SPDYE5: variants seen among roughly 807,000 people sequenced by gnomAD.
SPDYE5 encodes speedy/RINGO cell cycle regulator family member E5.
Under a neutral mutation model 48.5 loss-of-function variants are expected in SPDYE5, and 15 were observed. The observed-to-expected ratio is 0.31, with a 90% confidence interval of 0.21 to 0.48. The LOEUF is 0.48. Ranked by LOEUF, SPDYE5 falls within the 20% of genes least tolerant of loss-of-function variation. The pLI is 0.99. For missense variants in SPDYE5, 331 were observed against 549.1 expected (o/e 0.60, Z 3.97); for synonymous variants, 116 against 200.7 (o/e 0.58, Z 3.57).
At chr7:75,496,081 T>A (rs1242713600) in intron 3 of SPDYE5, among the ~76,000 whole-genome samples, 1 of 136,360 alleles carries the variant, frequency 7.3e-6, no homozygotes, top group Non-Finnish European at 1.6e-5. Context: ...GTGAGGAGGG[T>A]GTGTGGGAAG....
At position 75,503,055 on chromosome 7, in the gene SPDYE5, C is replaced by T. The variant is rs1297402567; in HGVS notation, c.*268C>T. On this transcript the variant is annotated 3_prime_UTR_variant, in exon 9 of 9. Transcript: ENST00000625065. ...GGAGTCCTTGGAGAAAAGTAAGAAA[C>T]CAGGAGTGTTTCCAGTTCCACCCTT... The T allele has an allele frequency of 2.0e-6, 1 of 494,992 alleles. No homozygotes were observed. Among genetic ancestry groups the T allele is most frequent in the Non-Finnish European group, 4.0e-6 (1 of 250,038 alleles). 30.7% of individuals were successfully genotyped at this position (494,992 alleles called of 1,614,324 possible).
chr7:75,494,083 A>T lies in SPDYE5; in HGVS notation c.36A>T (p.Gly12=). 1 of 1,534,512 alleles carries T rather than the reference A, an allele frequency of 6.5e-7. No individual in the cohort carries two copies. Among genetic ancestry groups the T allele is most frequent in the South Asian group, 1.2e-5 (1 of 83,922 alleles). The change falls in exon 2 of 9, where the codon GGA becomes GGT. Residue 12 remains glycine (G), a synonymous_variant. Transcript: ENST00000625065. ...DRTETRFRKR[G]QITEKITTSR... Reference sequence around the variant, plus strand: ...CGGAGACTAGGTTCCGTAAGAGGGGACAGATTACGGAAAAGATCACGACCA... The same window carrying T: ...CGGAGACTAGGTTCCGTAAGAGGGGTCAGATTACGGAAAAGATCACGACCA...
intron 8 of SPDYE5, among the ~76,000 whole-genome samples, chr7:75,502,474 A>G (rs1330629614): frequency 3.9e-5 from 6 of 152,192 alleles, no homozygotes; most frequent in African/African-American, 1.4e-4. Context: ...TTAGAAACAC[A>G]TCTAGCATGG....
chr7:75,502,108 C>T (rs1554483688), intron 8 of SPDYE5, 126 bp downstream of exon 8: 3 of 1,102,834 alleles, frequency 2.7e-6, no homozygotes, highest in Non-Finnish European at 2.5e-6. Flanking sequence ...CACAAAAATA[C>T]AAAAATTAGC....
At chr7:75,500,243 T>C (rs1451034540) in intron 6 of SPDYE5, among the ~76,000 whole-genome samples, 1 of 144,824 alleles carries the variant, frequency 6.9e-6, no homozygotes, top group East Asian at 2.0e-4. Flanking sequence ...ATCTTGGTAT[T>C]TCCTGGCTCG....
rs1792836071 is a variant in SPDYE5 at position 75,494,115 on chromosome 7, A to T, written c.68A>T (p.Gln23Leu). Reference sequence around the variant, plus strand: ...ACGGAAAAGATCACGACCAGCCGTCAACCGCAACCCCAGAATGAGCAGAGT... The same window carrying T: ...ACGGAAAAGATCACGACCAGCCGTCTACCGCAACCCCAGAATGAGCAGAGT... ...QITEKITTSR[Q>L]PQPQNEQSPQ... Residue 23 changes from glutamine to leucine, a missense_variant, in exon 2 of 9, where the codon CAA becomes CTA. By Grantham distance (113) the Gln-to-Leu change is moderately radical. Around this residue, in one of 8 missense-constraint regions of SPDYE5, gnomAD observed 67 missense variants for 55.7 expected, o/e 1.20. Coordinates refer to ENST00000625065, the MANE Select transcript of SPDYE5 (RefSeq NM_001306141.4). The T allele has an allele frequency of 6.5e-7, 1 of 1,535,422 alleles. No homozygotes were observed. Among genetic ancestry groups the T allele is most frequent in the South Asian group, 1.2e-5 (1 of 83,962 alleles).
In SPDYE5 at chr7:75,503,992, T is replaced by G. The variant is rs1793238484; in HGVS notation, c.*1205T>G. ...CCTAAATCTTTTACCTTTCAATCTT[T>G]GTATCTATTATTACACGTGTTGCTG... On this transcript the variant is annotated 3_prime_UTR_variant, in exon 9 of 9. Transcript: ENST00000625065. 6.6e-6 allele frequency: 1 copy of G among 152,064 alleles called. No individual in the cohort carries two copies. Among genetic ancestry groups the G allele is most frequent in the Non-Finnish European group, 1.5e-5 (1 of 67,996 alleles). 9.4% of individuals were successfully genotyped at this position (152,064 alleles called of 1,614,324 possible). A position where few individuals can be genotyped will look rare whatever the true frequency, so the allele number is the denominator to read the frequency against.
intron 2 of SPDYE5, among the ~76,000 whole-genome samples, chr7:75,494,649 G>A (rs1219156150): frequency 5.9e-5 from 9 of 152,094 alleles, no homozygotes; most frequent in African/African-American, 1.9e-4. Flanking sequence ...AACTTTGGGA[G>A]GCCAAGGCAG....
intron 5 of SPDYE5, among the ~76,000 whole-genome samples, chr7:75,498,933 G>A (rs201188330): frequency 0.012 from 1,716 of 139,138 alleles, no homozygotes; most frequent in East Asian, 0.048. Context: ...ACAGTTCTCT[G>A]CCTGGCACAC....
chr7:75,496,984 TG>T (rs1792957076), intron 4 of SPDYE5, 80 bp downstream of exon 4: 1 of 1,021,970 alleles, frequency 9.8e-7, no homozygotes, highest in African/African-American at 1.6e-5. Context: ...ACTTTTCCAA[TG>T]GGAAAAATAT....
At chr7:75,492,759 G>A (rs1792782047) in intron 1 of SPDYE5, among the ~76,000 whole-genome samples, 1 of 151,338 alleles carries the variant, frequency 6.6e-6, no homozygotes, top group Admixed American at 6.6e-5. Flanking sequence ...AGGTTTTTTG[G>A]ATGGTCTCTG....
chr7:75,496,317 G>A (rs587697176), intron 3 of SPDYE5, among the ~76,000 whole-genome samples: 39 of 147,430 alleles, frequency 2.6e-4, no homozygotes, highest in Admixed American at 6.2e-4. Context: ...AACCCAGGAG[G>A]CGGAGGTTGC....
chr7:75,500,908 G>C (rs1180378895), intron 6 of SPDYE5, among the ~76,000 whole-genome samples: 1 of 152,040 alleles, frequency 6.6e-6, no homozygotes, highest in Non-Finnish European at 1.5e-5. Flanking sequence ...GGGTTTCTCC[G>C]TGTTGACCAG....
chr7:75,500,794 C>T (rs1312420319), intron 6 of SPDYE5, among the ~76,000 whole-genome samples: 8 of 152,106 alleles, frequency 5.3e-5, no homozygotes, highest in African/African-American at 1.9e-4. Context: ...CTGCAACCTC[C>T]GCCTCCTGGG....
chr7:75,499,833 G>T (rs1292390540), intron 6 of SPDYE5, among the ~76,000 whole-genome samples: 12 of 73,794 alleles, frequency 1.6e-4, no homozygotes, highest in African/African-American at 4.9e-4. Context: ...ACAAATAAAA[G>T]AATAAAACAA....
At chr7:75,495,001 A>G in intron 2 of SPDYE5, 155 bp from the exon 3 acceptor site, 1 of 1,420,356 alleles carries the variant, frequency 7.0e-7, no homozygotes, top group Non-Finnish European at 9.3e-7. Flanking sequence ...GGAGCGGCAC[A>G]TGGGGTTGAG....
intron 2 of SPDYE5, 122 bp downstream of exon 2, chr7:75,494,329 T>C: frequency 2.2e-6 from 3 of 1,361,898 alleles, no homozygotes; most frequent in South Asian, 2.9e-5. Flanking sequence ...GCGGATCACC[T>C]GAGGTCAGGA....
At chr7:75,498,267 A>G (rs1793013271) in intron 5 of SPDYE5, among the ~76,000 whole-genome samples, 1 of 151,596 alleles carries the variant, frequency 6.6e-6, no homozygotes, top group Admixed American at 6.6e-5. Context: ...GGGATTACAG[A>G]CATGAACCAC....
At chr7:75,502,482 T>C (rs2116629603) in intron 8 of SPDYE5, among the ~76,000 whole-genome samples, 1 of 152,252 alleles carries the variant, frequency 6.6e-6, no homozygotes, top group African/African-American at 2.4e-5. Flanking sequence ...ACATCTAGCA[T>C]GGTTACAAGT....
Sources: gnomAD v4.1 joint callset for allele counts (sites outside exome capture counted in the v4.1 genomes callset) on GRCh38, gnomAD v4.1.1 for gene constraint, gnomAD v4.1.1 regional missense constraint, MANE v1.5 for transcripts, NCBI Gene and HGNC (gene_info 2026-07-23, HGNC 2026-07-21) for gene names.